The following USP34 variants were observed in gnomAD, a reference collection of about 807,000 sequenced individuals.
USP34 encodes ubiquitin specific peptidase 34.
A neutral mutation model predicts 460.3 loss-of-function variants in USP34; 70 were observed. The ratio of observed to expected loss-of-function variants is 0.15; its 90% CI spans 0.13 to 0.19. The LOEUF is 0.19. USP34 is among the 10% of genes least tolerant of loss of function. The pLI is 1.00. For missense variants in USP34, 3,985 were observed against 4,236.2 expected (o/e 0.94, Z 1.65); for synonymous variants, 1,647 against 1,405.3 (o/e 1.17, Z -3.85).
chr2:61,336,419 C>G (rs1188003619), intron 18 of USP34, among the ~76,000 whole-genome samples: 1 of 151,834 alleles, frequency 6.6e-6, no homozygotes, highest in Non-Finnish European at 1.5e-5. Flanking sequence ...AGACACTGTA[C>G]CTGGTCCCTT....
chr2:61,357,042 G>C (rs1692129337), intron 10 of USP34, among the ~76,000 whole-genome samples: 1 of 152,090 alleles, frequency 6.6e-6, no homozygotes, highest in South Asian at 2.1e-4. Flanking sequence ...TCAATAAAGA[G>C]AATAATCATA....
At chr2:61,386,158 T>C (rs180964038) in intron 5 of USP34, among the ~76,000 whole-genome samples, 1 of 152,134 alleles carries the variant, frequency 6.6e-6, no homozygotes, top group Admixed American at 6.5e-5. Flanking sequence ...CCCATGCACA[T>C]AAAAACATCC....
At chr2:61,269,323 ATTTTTTTTTT>A (rs397869885) in intron 41 of USP34, among the ~76,000 whole-genome samples, 1 of 135,004 alleles carries the variant, frequency 7.4e-6, no homozygotes, top group East Asian at 2.1e-4. Context: ...ACCTTGGCTA[ATTTTTTTTTT>A]TTTTTTTTTT....
rs867189875 is a variant in USP34, at chr2:61,214,133, C to T, written c.8609G>A (p.Arg2870Gln). 6 of 1,614,052 alleles carry T rather than the reference C, an allele frequency of 3.7e-6. No homozygotes were observed. The highest frequency in any genetic ancestry group is 1.3e-5 in the African/African-American group (1 of 74,904). ...GATGTTCTGGTGAGAAGCCAGTTGT[C>T]GTGTGAATGCAGGAGACTGCTCACA... ...LCCEQSPAFT[R>Q]QLASHQNIQW... The change falls in exon 68 of 80, where the codon CGA becomes CAA. Residue 2870 changes from arginine (R) to glutamine (Q), a missense_variant. By Grantham distance (43) the Arg-to-Gln change is conservative (BLOSUM62 1). Around this residue, in one of 14 missense-constraint regions of USP34, gnomAD observed 66 missense variants for 121.2 expected, o/e 0.54. Transcript: ENST00000398571.
chr2:61,416,190 A>C (rs1244924298), intron 2 of USP34, among the ~76,000 whole-genome samples: 1 of 152,242 alleles, frequency 6.6e-6, no homozygotes, highest in Admixed American at 6.5e-5. Context: ...TTGGTCCAAC[A>C]AATTTCTTGA....
Position 61,406,062 on chromosome 2 carries a change from A to C in USP34, c.198T>G (p.Leu66=). 1 of 1,613,880 alleles carries C rather than the reference A, an allele frequency of 6.2e-7. No homozygotes were observed. Among genetic ancestry groups the C allele is most frequent in the South Asian group, 1.1e-5 (1 of 91,058 alleles). Reference sequence around the variant, plus strand: ...GAACTTGGGCAATCACTAAGTTAATAAGTGCACACACTACTTGATTAAAAA... The same window carrying C: ...GAACTTGGGCAATCACTAAGTTAATCAGTGCACACACTACTTGATTAAAAA... ...LEIFNQVVCA[L]INLVIAQVQV... The change falls in exon 3 of 80, where the codon CTT becomes CTG. Residue 66 remains leucine (L), a synonymous_variant. Transcript: ENST00000398571.
chr2:61,271,480 G>T (rs1388678373), intron 41 of USP34, among the ~76,000 whole-genome samples: 1 of 152,152 alleles, frequency 6.6e-6, no homozygotes, highest in Non-Finnish European at 1.5e-5. Flanking sequence ...TAAGAATCAG[G>T]TCTGAGTTGC....
chr2:61,238,822 T>C (rs1410566999), intron 53 of USP34, among the ~76,000 whole-genome samples: 1 of 152,166 alleles, frequency 6.6e-6, no homozygotes, highest in Non-Finnish European at 1.5e-5. Context: ...ACTTTGCAGA[T>C]GCTGTATTTT....
chr2:61,419,116 C>T (rs1694285217), intron 2 of USP34, among the ~76,000 whole-genome samples: 1 of 152,092 alleles, frequency 6.6e-6, no homozygotes, highest in Admixed American at 6.5e-5. Context: ...GAACTTAACT[C>T]ATTTGTCATC....
intron 27 of USP34, among the ~76,000 whole-genome samples, chr2:61,304,090 G>T (rs1690326303): frequency 6.6e-6 from 1 of 152,006 alleles, no homozygotes; most frequent in African/African-American, 2.4e-5. Context: ...TAGAGACAGG[G>T]TTTCGTCATG....
At chr2:61,359,236 A>G (rs1370961135) in intron 10 of USP34, among the ~76,000 whole-genome samples, 2 of 152,218 alleles carry the variant, frequency 1.3e-5, no homozygotes, top group African/African-American at 4.8e-5. Flanking sequence ...TGACATAAGG[A>G]CACACATGTA....
At chr2:61,262,919 T>C (rs924948409) in intron 43 of USP34, among the ~76,000 whole-genome samples, 4 of 152,232 alleles carry the variant, frequency 2.6e-5, no homozygotes, top group East Asian at 1.9e-4. Flanking sequence ...TAGTTTTGTA[T>C]TTCTCTAATG....
intron 3 of USP34, among the ~76,000 whole-genome samples, chr2:61,398,940 C>T (rs866739347): frequency 1.3e-5 from 2 of 152,122 alleles, no homozygotes; most frequent in African/African-American, 2.4e-5. Flanking sequence ...TTTTCATGGT[C>T]TTCAAAAAGT....
chr2:61,301,297 T>C lies in USP34; in HGVS notation c.3918+57A>G, dbSNP rs1384253634. 4.5e-6 allele frequency: 7 copies of C among 1,566,980 alleles called. No individual in the cohort carries two copies. In the African/African-American group the frequency reaches 6.8e-5, roughly 15 times the overall value. On this transcript the variant is annotated intron_variant, in intron 28 of 79. Coordinates refer to ENST00000398571, the MANE Select transcript of USP34 (RefSeq NM_014709.4). The stretch of plus-strand genomic sequence containing the variant: ...TGTTTTTAAACTACATCTGCGACTA[T>C]TCAACTGATGATTATAAACAGATCA...
chr2:61,359,058 C>T (rs1692193777), intron 10 of USP34, among the ~76,000 whole-genome samples: 2 of 152,012 alleles, frequency 1.3e-5, no homozygotes, highest in Non-Finnish European at 1.5e-5. Flanking sequence ...AGAGTCAATG[C>T]AATATCTATT....
chr2:61,313,564 C>T (rs919753818), intron 25 of USP34, among the ~76,000 whole-genome samples: 15 of 151,936 alleles, frequency 9.9e-5, no homozygotes, highest in African/African-American at 3.1e-4. Context: ...TTTTATAATA[C>T]GTATTAATTA....
chr2:61,443,567 C>T (rs888585330), intron 1 of USP34, among the ~76,000 whole-genome samples: 6 of 150,282 alleles, frequency 4.0e-5, no homozygotes, highest in Admixed American at 3.3e-4. Flanking sequence ...TGAAAGAAAC[C>T]AATCTTAACT....
chr2:61,402,654 G>A (rs1408098323), intron 3 of USP34, among the ~76,000 whole-genome samples: 1 of 152,080 alleles, frequency 6.6e-6, no homozygotes, highest in Non-Finnish European at 1.5e-5. Context: ...GTCCTCCTAA[G>A]AATTTTGGCT....
chr2:61,412,901 AAAAG>A (rs1471926117), intron 2 of USP34, among the ~76,000 whole-genome samples: 1 of 151,564 alleles, frequency 6.6e-6, no homozygotes, highest in Non-Finnish European at 1.5e-5. Context: ...AAAAAAAAAA[AAAAG>A]AGAGAATATG....
Sources: allele counts gnomAD v4.1 joint callset (sites outside exome capture counted in the v4.1 genomes callset), GRCh38; gene constraint gnomAD v4.1.1; regional missense constraint gnomAD v4.1.1; transcripts MANE v1.5; gene names NCBI Gene and HGNC (gene_info 2026-07-23, HGNC 2026-07-21).